MEF2D: variants seen among roughly 807,000 people sequenced by gnomAD.
The protein encoded by MEF2D is myocyte enhancer factor 2D.
A neutral mutation model predicts 59.3 loss-of-function variants in MEF2D; 10 were observed. That is an observed-to-expected ratio of 0.17 (90% CI 0.10 to 0.29). The LOEUF is 0.29. Among genes scored for constraint, MEF2D ranks in the 10% least tolerant of loss-of-function variants. The probability of loss-of-function intolerance (pLI) is 1.00; values close to 1 mark genes in which losing one functional copy is unlikely to be tolerated. For synonymous variants in MEF2D, 305 were observed against 295.0 expected, an observed-to-expected ratio of 1.03 and a Z score of -0.35; for missense variants, 508 against 699.4, an observed-to-expected ratio of 0.73 and a Z score of 3.09.
intron 1 of MEF2D, among the ~76,000 whole-genome samples, chr1:156,498,716 G>A (rs67552730): frequency 0.011 from 1,648 of 152,148 alleles, 16 homozygotes; most frequent in South Asian, 0.032. Flanking sequence ...GGGGGCAGGG[G>A]AGTTACAACA....
Position 156,480,983 on chromosome 1 carries a change from C to T in MEF2D, c.259-12G>A. ...TTCTTCCTCAGGGTCTGTAACCGCA[C>T]CACTGCCATCAGCTGGGTGAGAGTC... is the stretch of plus-strand genomic sequence containing the variant. On this transcript the variant is annotated splice_polypyrimidine_tract_variant and intron_variant, in intron 3 of 11. Transcript: ENST00000348159. 1 of 1,611,566 alleles carries T rather than the reference C, an allele frequency of 6.2e-7. No homozygotes were observed. Among genetic ancestry groups the T allele is most frequent in the Non-Finnish European group, 8.5e-7 (1 of 1,179,834 alleles).
chr1:156,489,543 G>C (rs747527257), intron 1 of MEF2D, among the ~76,000 whole-genome samples: 1 of 152,116 alleles, frequency 6.6e-6, no homozygotes, highest in Non-Finnish European at 1.5e-5. Context: ...AGACCACAGA[G>C]ACAAAGATTC....
intron 9 of MEF2D, among the ~76,000 whole-genome samples, chr1:156,471,443 C>T (rs1357832547): frequency 6.6e-6 from 1 of 152,190 alleles, no homozygotes; most frequent in Non-Finnish European, 1.5e-5. Flanking sequence ...TCAACTATTT[C>T]TAACACTTGT....
At chr1:156,484,767 G>C (rs1208335191) in intron 1 of MEF2D, among the ~76,000 whole-genome samples, 1 of 152,184 alleles carries the variant, frequency 6.6e-6, no homozygotes, top group Non-Finnish European at 1.5e-5. Context: ...AGGCACCATA[G>C]GATAAGAGGG....
At chr1:156,479,539 A>G (rs1259863976) in intron 5 of MEF2D, 47 bp downstream of exon 5, 1 of 1,544,764 alleles carries the variant, frequency 6.5e-7, no homozygotes, top group African/African-American at 1.4e-5. Flanking sequence ...CAAAGTCCCC[A>G]TCACATCTCA....
intron 9 of MEF2D, among the ~76,000 whole-genome samples, chr1:156,470,002 AG>A (rs35251582): frequency 0.011 from 1,650 of 152,362 alleles, 16 homozygotes; most frequent in South Asian, 0.032. Context: ...AGGGGCTGCA[AG>A]GGTACCATGC....
At chr1:156,479,228 C>A in intron 6 of MEF2D, 62 bp downstream of exon 6, 2 of 1,430,072 alleles carry the variant, frequency 1.4e-6, no homozygotes, top group Non-Finnish European at 1.9e-6. Flanking sequence ...ATCCTTGGAC[C>A]CCCTGAGGCC....
At chr1:156,497,351 T>TA (rs958068200) in intron 1 of MEF2D, among the ~76,000 whole-genome samples, 2 of 152,170 alleles carry the variant, frequency 1.3e-5, no homozygotes, top group African/African-American at 4.8e-5. Flanking sequence ...TCCTTCTCTA[T>TA]AAAAAAGAGA....
chr1:156,468,420 T>G lies in MEF2D; in HGVS notation c.1248-121A>C. 1 of 699,178 alleles carries G rather than the reference T, an allele frequency of 1.4e-6. No individual in the cohort carries two copies. The highest frequency in any genetic ancestry group is 2.8e-5 in the East Asian group (1 of 36,032). 43.3% of individuals were successfully genotyped at this position (699,178 alleles called of 1,614,324 possible). A position where few individuals can be genotyped will look rare whatever the true frequency, so the allele number is the denominator to read the frequency against. On this transcript the variant is annotated intron_variant, in intron 10 of 11. Transcript: ENST00000348159. The surrounding 1 kb of genome is among the most constrained non-coding windows in gnomAD (Gnocchi z 4.3). The stretch of plus-strand genomic sequence containing the variant: ...AACAAGAGGATGAGAATATGGGGGA[T>G]GGGGTGTTGGGGAGAGGCAATTGGA...
At chr1:156,480,670 A>G (rs1409899224) in intron 4 of MEF2D, 164 bp downstream of exon 4, 13 of 1,563,548 alleles carry the variant, frequency 8.3e-6, no homozygotes, top group Non-Finnish European at 1.1e-5. Context: ...GCATCATTTT[A>G]TCAAACTCCT....
chr1:156,483,326 G>A lies in MEF2D; in HGVS notation c.-34C>T, dbSNP rs1239786739. The A allele has an allele frequency of 6.2e-7, 1 of 1,604,854 alleles. No homozygotes were observed. The highest frequency in any genetic ancestry group is 1.1e-5 in the South Asian group (1 of 90,914). ...GGGGTCCTCAGTGCTACGGAGGGGA[G>A]GGGCTCGCTGGGTGGTGGGTCTCGG... On this transcript the variant is annotated 5_prime_UTR_variant, in exon 2 of 12. Transcript: ENST00000348159.
intron 1 of MEF2D, chr1:156,499,482 T>A (rs1348368632): frequency 6.6e-6 from 1 of 151,360 alleles, no homozygotes; most frequent in Non-Finnish European, 1.5e-5. Context: ...TCAGGAGGAG[T>A]CCTCGGAAGG....
chr1:156,474,348 C>T (rs2102035548), intron 9 of MEF2D, among the ~76,000 whole-genome samples: 3 of 152,272 alleles, frequency 2.0e-5, no homozygotes, highest in Middle Eastern at 3.4e-3. Flanking sequence ...ACTCAGGAGG[C>T]TGAGGCATGA....
At chr1:156,483,758 A>G (rs1672170999) in intron 1 of MEF2D, among the ~76,000 whole-genome samples, 1 of 152,210 alleles carries the variant, frequency 6.6e-6, no homozygotes, top group Non-Finnish European at 1.5e-5. Flanking sequence ...TGCTTGTACT[A>G]TAGACACCTG....
At position 156,486,523 on chromosome 1, in the gene MEF2D, C is replaced by G. The variant is rs575274920; in HGVS notation, c.-138-3093G>C. Among the ~76,000 whole-genome samples, 3 of 152,334 alleles carry G rather than the reference C, an allele frequency of 2.0e-5. No individual in the cohort carries two copies. In the South Asian group the frequency reaches 6.2e-4, roughly 32 times the overall value. On this transcript the variant is annotated intron_variant, in intron 1 of 11. Coordinates refer to ENST00000348159, the MANE Select transcript of MEF2D (RefSeq NM_005920.4). ...ATCTACCCTCCCTCTCTCCCCTTTACTATCTCCCTCTCACCACCTTTAGTT... is the reference window on the plus strand; with the variant it reads ...ATCTACCCTCCCTCTCTCCCCTTTAGTATCTCCCTCTCACCACCTTTAGTT...
At chr1:156,480,805 C>G (rs773459020) in intron 4 of MEF2D, 29 bp downstream of exon 4, 11 of 1,591,732 alleles carry the variant, frequency 6.9e-6, no homozygotes, top group African/African-American at 1.3e-5. Flanking sequence ...GAAGGGGGGG[C>G]CAACAGAGAC....
At chr1:156,479,883 T>C in intron 4 of MEF2D, 87 bp from the exon 5 acceptor site, 2 of 1,333,404 alleles carry the variant, frequency 1.5e-6, no homozygotes, top group Admixed American at 2.2e-5. Flanking sequence ...GCAAGGGTTC[T>C]TCTCATTTCT....
chr1:156,467,491 ATAT>A lies in MEF2D; in HGVS notation c.*151_*153del, dbSNP rs1165568240. Reference sequence around the variant, plus strand: ...AAAAAATATAATAATAATAATAATAATATAATAATTATACACAAATGTAACCGT... The same window carrying A: ...AAAAAATATAATAATAATAATAATAAAATAATTATACACAAATGTAACCGT... On this transcript the variant is annotated 3_prime_UTR_variant, in exon 12 of 12. Coordinates refer to ENST00000348159, the MANE Select transcript of MEF2D (RefSeq NM_005920.4). 2.2e-5 allele frequency: 8 copies of A among 369,112 alleles called. No homozygotes were observed. Among genetic ancestry groups the A allele is most frequent in the African/African-American group, 1.7e-4 (8 of 46,898 alleles). 22.9% of individuals were successfully genotyped at this position (369,112 alleles called of 1,614,324 possible).
In MEF2D at chr1:156,479,720, T is replaced by C. The variant is rs1305508819; in HGVS notation, c.473A>G (p.Asn158Ser). 7 of 1,551,626 alleles carry C rather than the reference T, an allele frequency of 4.5e-6. No homozygotes were observed. Among genetic ancestry groups the C allele is most frequent in the East Asian group, 2.4e-5 (1 of 40,908 alleles). ...VSNQSSLQFS[N>S]PSGSLVTPSL... ...AGGGGTGACCAGGGAGCCGCTGGGATTGCTGAACTGCAGTGAGCTCTGATT... is the reference window on the plus strand; with the variant it reads ...AGGGGTGACCAGGGAGCCGCTGGGACTGCTGAACTGCAGTGAGCTCTGATT... Residue 158 changes from asparagine to serine, a missense_variant, in exon 5 of 12, where the codon AAT (asparagine) becomes AGT (serine). Coordinates refer to ENST00000348159, the MANE Select transcript of MEF2D (RefSeq NM_005920.4).
Sources: gnomAD v4.1 joint callset for allele counts (sites outside exome capture counted in the v4.1 genomes callset) on GRCh38, gnomAD v4.1.1 for gene constraint, Gnocchi (gnomAD v3.1) non-coding constraint, MANE v1.5 for transcripts, NCBI Gene and HGNC (gene_info 2026-07-23, HGNC 2026-07-21) for gene names.